The following CFAP97D2 variants were observed in gnomAD, a reference collection of about 807,000 sequenced individuals.
The protein encoded by CFAP97D2 is uncharacterized protein CFAP97D2.
intron 1 of CFAP97D2, among the ~76,000 whole-genome samples, chr13:114,180,456 C>A (rs1473351321): frequency 6.6e-6 from 1 of 152,164 alleles, no homozygotes; most frequent in Non-Finnish European, 1.5e-5. Flanking sequence ...GGCTCCTTCC[C>A]CAGCTCAACC....
At chr13:114,200,622 T>C (rs1331715980) in intron 3 of CFAP97D2, among the ~76,000 whole-genome samples, 179 bp downstream of exon 3, 1 of 152,154 alleles carries the variant, frequency 6.6e-6, no homozygotes, top group Non-Finnish European at 1.5e-5. Flanking sequence ...GATTCCAAGT[T>C]TTACTTGAGA....
intron 3 of CFAP97D2, among the ~76,000 whole-genome samples, chr13:114,210,855 T>TAC (rs34230424): frequency 0.21 from 30,001 of 144,850 alleles, 3,361 homozygotes; most frequent in Admixed American, 0.3. Flanking sequence ...ATTTCATTGA[T>TAC]ACACACACAC....
rs2080850637 is a variant in CFAP97D2 at position 114,185,338 on chromosome 13, G to A, written c.90+5918G>A. On this transcript the variant is annotated intron_variant, in intron 1 of 4. Transcript: ENST00000646158. The surrounding 1 kb of genome is among the most constrained non-coding windows in gnomAD (Gnocchi z 5.2). ...AGCTGCCTGCTGACGGGAGAGCAGTGCAGTTGGGCACACAGGAGCAGGCAG... is the reference window on the plus strand; with the variant it reads ...AGCTGCCTGCTGACGGGAGAGCAGTACAGTTGGGCACACAGGAGCAGGCAG... 6.6e-6 allele frequency among the ~76,000 whole-genome samples: 1 copy of A among 152,238 alleles called. No individual in the cohort carries two copies. The highest frequency in any genetic ancestry group is 2.1e-4 in the South Asian group (1 of 4,834).
At chr13:114,219,143 A>G (rs1344906735) in intron 4 of CFAP97D2, among the ~76,000 whole-genome samples, 1 of 152,250 alleles carries the variant, frequency 6.6e-6, no homozygotes, top group African/African-American at 2.4e-5. Flanking sequence ...CAAAGGGCTA[A>G]TATCCAGAAT....
rs1566616120 is a variant in CFAP97D2, at chr13:114,211,038, G to A, written c.291-874G>A. Among the ~76,000 whole-genome samples the A allele has an allele frequency of 1.3e-5, 2 of 152,156 alleles. No homozygotes were observed. The highest frequency in any genetic ancestry group is 4.8e-5 in the African/African-American group (2 of 41,426). On this transcript the variant is annotated intron_variant, in intron 3 of 4. Coordinates refer to ENST00000646158, the Ensembl canonical transcript of CFAP97D2. This position sits in a 1 kb window ranked among gnomAD's most constrained non-coding sequence, Gnocchi z 4.2. ...GGAAGTGCCCAACAAGTCTCCAGAGGGTGATGGTGAACTTCCAGGAGGAGG... is the reference window on the plus strand; with the variant it reads ...GGAAGTGCCCAACAAGTCTCCAGAGAGTGATGGTGAACTTCCAGGAGGAGG...
intron 1 of CFAP97D2, among the ~76,000 whole-genome samples, chr13:114,190,260 C>T (rs945377233): frequency 2.0e-5 from 3 of 152,198 alleles, no homozygotes; most frequent in African/African-American, 7.2e-5. Flanking sequence ...CTCACCACTC[C>T]TCTTAAACAT....
intron 3 of CFAP97D2, among the ~76,000 whole-genome samples, chr13:114,201,646 A>T (rs2080918632): frequency 6.6e-6 from 1 of 152,190 alleles, no homozygotes; most frequent in Admixed American, 6.5e-5. Flanking sequence ...TGGCTATTTC[A>T]TGTCTCAGTT....
At position 114,220,426 on chromosome 13, in the gene CFAP97D2, A is replaced by T. The variant is rs1234410347; in HGVS notation, c.481-2072A>T. On this transcript the variant is annotated intron_variant, in intron 4 of 4. Coordinates refer to ENST00000646158, the Ensembl canonical transcript of CFAP97D2. ...TACTGCTAGTCTCCTGGATATCTCA[A>T]TCTGGTTTAAATATTAACTCGCAAA... Among the ~76,000 whole-genome samples, 8 of 152,294 alleles carry T rather than the reference A, an allele frequency of 5.3e-5. No homozygotes were observed. The East Asian group carries it at 1.5e-3, about 29-fold the overall frequency.
intron 1 of CFAP97D2, among the ~76,000 whole-genome samples, chr13:114,194,810 T>C (rs1400022147): frequency 1.3e-5 from 2 of 152,262 alleles, no homozygotes; most frequent in Non-Finnish European, 2.9e-5. Flanking sequence ...GTCAACAAGT[T>C]CTGCCACCAG....
chr13:114,210,033 C>T (rs150415110), intron 3 of CFAP97D2, among the ~76,000 whole-genome samples: 1 of 152,142 alleles, frequency 6.6e-6, no homozygotes, highest in Non-Finnish European at 1.5e-5. Context: ...AGAAATTTAA[C>T]TATCATTTCA....
intron 4 of CFAP97D2, among the ~76,000 whole-genome samples, chr13:114,220,896 A>G (rs879716371): frequency 2.6e-5 from 4 of 152,200 alleles, no homozygotes; most frequent in Non-Finnish European, 5.9e-5. Flanking sequence ...GACAGGAACC[A>G]CCTCCTGGAC....
intron 3 of CFAP97D2, among the ~76,000 whole-genome samples, chr13:114,210,890 A>ACACACT (rs939966769): frequency 4.4e-4 from 67 of 150,618 alleles, no homozygotes; most frequent in Non-Finnish European, 7.8e-4. Flanking sequence ...ACACACACAC[A>ACACACT]CTTTAATGGC....
At position 114,214,582 on chromosome 13, in the gene CFAP97D2, T is replaced by TTTTGTTTGTTTGTTTGTTTG. The variant is rs10636230; in HGVS notation, c.480+2484_480+2503dup. Among the ~76,000 whole-genome samples, 201 of 150,994 alleles carry TTTTGTTTGTTTGTTTGTTTG rather than the reference T, an allele frequency of 1.3e-3. 1 individual carries two copies. The highest frequency in any genetic ancestry group is 4.4e-3 in the African/African-American group (179 of 40,940). On this transcript the variant is annotated intron_variant, in intron 4 of 4. Coordinates refer to ENST00000646158, the Ensembl canonical transcript of CFAP97D2. ...ATTTGTCAAGTACATATATTTGAGGTTTTGTTTGTTTGTTTGTTTGTTGAG... is the reference window on the plus strand; with the variant it reads ...ATTTGTCAAGTACATATATTTGAGGTTTTGTTTGTTTGTTTGTTTGTTTGTTTGTTTGTTTGTTTGTTGAG...
intron 2 of CFAP97D2, among the ~76,000 whole-genome samples, chr13:114,198,704 C>T (rs1254199396): frequency 2.0e-5 from 2 of 98,760 alleles, no homozygotes; most frequent in Non-Finnish European, 2.0e-5. Context: ...GTACGGTCCC[C>T]GCTGAGGGGT....
chr13:114,200,451 A>C lies in CFAP97D2; in HGVS notation c.290+8A>C, dbSNP rs540966674. 2 of 398,628 alleles carry C rather than the reference A, an allele frequency of 5.0e-6. No individual in the cohort carries two copies. Among genetic ancestry groups the C allele is most frequent in the East Asian group, 7.1e-5 (2 of 28,076 alleles). 24.7% of individuals were successfully genotyped at this position (398,628 alleles called of 1,614,324 possible). A position where few individuals can be genotyped will look rare whatever the true frequency, so the allele number is the denominator to read the frequency against. On this transcript the variant is annotated splice_region_variant and intron_variant, in intron 3 of 4. Coordinates refer to ENST00000646158, the Ensembl canonical transcript of CFAP97D2. ...CAACTCCAAGCACAGGAGGTAAGGG[A>C]GCGGCTCCTGCCATCCCACCCGGCT...
chr13:114,209,029 G>A (rs1594520492), intron 3 of CFAP97D2, among the ~76,000 whole-genome samples: 1 of 152,130 alleles, frequency 6.6e-6, no homozygotes, highest in South Asian at 2.1e-4. Context: ...GGAGAATTTG[G>A]CTAAATGAAA....
At chr13:114,213,430 A>C (rs1458013165) in intron 4 of CFAP97D2, among the ~76,000 whole-genome samples, 1 of 141,378 alleles carries the variant, frequency 7.1e-6, no homozygotes, top group Non-Finnish European at 1.5e-5. Context: ...CACAGAACCC[A>C]TCCCTGTGGA....
At chr13:114,204,661 C>T (rs2080931774) in intron 3 of CFAP97D2, among the ~76,000 whole-genome samples, 1 of 152,124 alleles carries the variant, frequency 6.6e-6, no homozygotes. Context: ...TCACCTCACA[C>T]CATATAGAAG....
At chr13:114,182,206 A>T (rs534105334) in intron 1 of CFAP97D2, among the ~76,000 whole-genome samples, 3 of 143,462 alleles carry the variant, frequency 2.1e-5, no homozygotes, top group Admixed American at 6.9e-5. Context: ...AATTAAGTTC[A>T]AGGGAAGGTA....
Sources: allele counts gnomAD v4.1 joint callset (sites outside exome capture counted in the v4.1 genomes callset), GRCh38; gene constraint gnomAD v4.1.1; non-coding constraint Gnocchi (gnomAD v3.1); transcripts MANE v1.5; gene names NCBI Gene and HGNC (gene_info 2026-07-23, HGNC 2026-07-21).